Variants in PCDHA2 observed in about 807,000 individuals in gnomAD.
The protein encoded by PCDHA2 is protocadherin alpha-2.
In PCDHA2, 58 loss-of-function variants were observed where a neutral mutation model predicts 66.0. That is an observed-to-expected ratio of 0.88 (90% CI 0.71 to 1.09). The LOEUF is 1.09. Ranked by LOEUF, PCDHA2 falls within the 50% of genes least tolerant of loss-of-function variation. The pLI, the probability that PCDHA2 is intolerant of heterozygous loss-of-function variation, is 0.00. For synonymous variants in PCDHA2, 634 were observed against 554.0 expected (o/e 1.14, Z -2.03); for missense variants, 1,267 against 1,242.3 (o/e 1.02, Z -0.30).
chr5:140,858,515 C>G lies in PCDHA2; in HGVS notation c.2388+61163C>G, dbSNP rs1554151726. ...TTACCGCATTTTCTCAAATATGTAT[C>G]AGAATATTTCATTTTTGTCTACATT... On this transcript the variant is annotated intron_variant, in intron 1 of 3. Coordinates refer to ENST00000526136, the MANE Select transcript of PCDHA2 (RefSeq NM_018905.3). 2.8e-6 allele frequency: 4 copies of G among 1,415,980 alleles called. 1 individual carries two copies. The African/African-American group carries it at 5.7e-5, about 20-fold the overall frequency. 87.7% of individuals were successfully genotyped at this position (1,415,980 alleles called of 1,614,324 possible).
At chr5:140,852,972 G>A (rs2150526368) in intron 1 of PCDHA2, 5 of 376,752 alleles carry the variant, frequency 1.3e-5, no homozygotes, top group South Asian at 2.2e-4. Context: ...TCCCCCTCCC[G>A]TGTTCACGCC....
At chr5:140,867,346 ATGAT>A (rs1302874220) in intron 1 of PCDHA2, 5 of 152,256 alleles carry the variant, frequency 3.3e-5, no homozygotes, top group East Asian at 1.9e-4. Context: ...AGAGGCTACT[ATGAT>A]TGATTATTTT....
intron 1 of PCDHA2, chr5:140,868,003 A>C (rs1166493353): frequency 6.6e-6 from 1 of 152,130 alleles, no homozygotes; most frequent in South Asian, 2.1e-4. Context: ...AATATAACTG[A>C]ATTAGATTAA....
At chr5:140,951,751 C>T (rs1206749897) in intron 1 of PCDHA2, among the ~76,000 whole-genome samples, 2 of 152,112 alleles carry the variant, frequency 1.3e-5, no homozygotes, top group Non-Finnish European at 2.9e-5. Flanking sequence ...CCTCACCCTC[C>T]GCGAAATCTC....
intron 1 of PCDHA2, among the ~76,000 whole-genome samples, chr5:140,914,821 A>G (rs1046692794): frequency 6.6e-6 from 1 of 152,212 alleles, no homozygotes; most frequent in Non-Finnish European, 1.5e-5. Flanking sequence ...AACAGACTGC[A>G]TAAACAAAAA....
chr5:140,849,320 G>C, intron 1 of PCDHA2: 10 of 1,335,992 alleles, frequency 7.5e-6, no homozygotes, highest in Non-Finnish European at 1.0e-5. Flanking sequence ...GCTTGAATGG[G>C]GATATTATTT....
At chr5:140,824,163 C>G in intron 1 of PCDHA2, 1 of 1,610,816 alleles carries the variant, frequency 6.2e-7, no homozygotes, top group South Asian at 1.1e-5. Context: ...TCTTTCCCTC[C>G]CAATTTTCAA....
chr5:140,960,892 G>A (rs1401042931), intron 1 of PCDHA2, among the ~76,000 whole-genome samples: 1 of 152,126 alleles, frequency 6.6e-6, no homozygotes, highest in East Asian at 1.9e-4. Flanking sequence ...AATGAATTTG[G>A]GGCATATCTT....
intron 1 of PCDHA2, chr5:140,883,145 T>C (rs2059462627): frequency 6.2e-7 from 1 of 1,613,988 alleles, no homozygotes; most frequent in Admixed American, 1.7e-5. Context: ...GGTATATGCA[T>C]TTACCATAAA....
intron 1 of PCDHA2, among the ~76,000 whole-genome samples, chr5:140,960,522 T>C (rs1261145307): frequency 6.6e-6 from 1 of 152,090 alleles, no homozygotes; most frequent in African/African-American, 2.4e-5. Flanking sequence ...ATAATGGGTA[T>C]AGGAAAGAGA....
chr5:140,947,539 C>G (rs144026826), intron 1 of PCDHA2, among the ~76,000 whole-genome samples: 3 of 151,678 alleles, frequency 2.0e-5, no homozygotes, highest in Admixed American at 2.0e-4. Context: ...TCAATTTCTA[C>G]AAAGAATTCC....
intron 1 of PCDHA2, chr5:140,835,976 G>T: frequency 6.2e-7 from 1 of 1,613,312 alleles, no homozygotes; most frequent in Non-Finnish European, 8.5e-7. Flanking sequence ...TGGAGCTGTT[G>T]CAGTTCCAGG....
chr5:140,828,812 A>G (rs2150159270), intron 1 of PCDHA2: 2 of 1,614,228 alleles, frequency 1.2e-6, no homozygotes, highest in Non-Finnish European at 1.7e-6. Context: ...TAATGCTCCC[A>G]CTTTCGAACA....
chr5:140,830,272 C>G, intron 1 of PCDHA2: 1 of 1,613,840 alleles, frequency 6.2e-7, no homozygotes, highest in Non-Finnish European at 8.5e-7. Context: ...CGGCGCCACC[C>G]ACCGAGGGCG....
At chr5:140,975,010 C>T (rs2096649304) in intron 1 of PCDHA2, among the ~76,000 whole-genome samples, 1 of 152,182 alleles carries the variant, frequency 6.6e-6, no homozygotes, top group Admixed American at 6.5e-5. Context: ...GAAATGAACA[C>T]AGCTGGGCTG....
intron 1 of PCDHA2, chr5:140,843,814 GA>G (rs1158286974): frequency 7.9e-7 from 1 of 1,259,766 alleles, no homozygotes; most frequent in African/African-American, 1.5e-5. Context: ...ATTTTATAGT[GA>G]AAATTTAAAC....
chr5:140,859,450 G>T, intron 1 of PCDHA2: 1 of 220,914 alleles, frequency 4.5e-6, no homozygotes, highest in Non-Finnish European at 8.7e-6. Context: ...TAGTTGCAGA[G>T]TGACAAAACT....
chr5:140,925,612 G>A (rs895763627), intron 1 of PCDHA2, among the ~76,000 whole-genome samples: 2 of 150,356 alleles, frequency 1.3e-5, no homozygotes, highest in Non-Finnish European at 3.0e-5. Flanking sequence ...AAACCTGCAC[G>A]TTGTGCACAT....
intron 1 of PCDHA2, among the ~76,000 whole-genome samples, chr5:140,919,654 C>CAT (rs1554199189): frequency 6.6e-6 from 1 of 151,822 alleles, no homozygotes; most frequent in African/African-American, 2.4e-5. Context: ...TAGAGTTTAC[C>CAT]ATATATATTT....
Sources: allele counts gnomAD v4.1 joint callset (sites outside exome capture counted in the v4.1 genomes callset), GRCh38; gene constraint gnomAD v4.1.1; transcripts MANE v1.5; gene names NCBI Gene and HGNC (gene_info 2026-07-23, HGNC 2026-07-21).